Variants in TOX observed in about 807,000 individuals in gnomAD.
TOX encodes thymocyte selection associated high mobility group box.
TOX carries 11 observed loss-of-function variants against 53.7 expected under a neutral mutation model. That is an observed-to-expected ratio of 0.20 (90% CI 0.13 to 0.34). The LOEUF (loss-of-function observed/expected upper bound fraction) is 0.34. Ranked by LOEUF, TOX falls within the 10% of genes least tolerant of loss-of-function variation. The probability of loss-of-function intolerance (pLI) is 1.00; values close to 1 mark genes in which losing one functional copy is unlikely to be tolerated. For synonymous variants in TOX, 225 were observed against 245.3 expected (o/e 0.92, Z 0.77); for missense variants, 570 against 664.6 (o/e 0.86, Z 1.56).
intron 1 of TOX, among the ~76,000 whole-genome samples, chr8:59,045,356 T>C (rs1803663931): frequency 6.6e-6 from 1 of 152,202 alleles, no homozygotes; most frequent in Non-Finnish European, 1.5e-5. Flanking sequence ...ATGGTGGTAA[T>C]AAAAGATTTT....
At chr8:59,092,061 C>T (rs1007911210) in intron 1 of TOX, among the ~76,000 whole-genome samples, 12 of 151,258 alleles carry the variant, frequency 7.9e-5, no homozygotes, top group Admixed American at 7.9e-4. Flanking sequence ...ACCAGCCTGA[C>T]CAACATGGTG....
chr8:58,817,636 G>A lies in TOX; in HGVS notation c.1006-1912C>T, dbSNP rs529441994. 1.1e-4 allele frequency among the ~76,000 whole-genome samples: 17 copies of A among 152,162 alleles called. No homozygotes were observed. In the South Asian group the frequency reaches 1.7e-3, roughly 15 times the overall value. On this transcript the variant is annotated intron_variant, in intron 6 of 8. Coordinates refer to ENST00000361421, the MANE Select transcript of TOX (RefSeq NM_014729.3). ...GTTTAAGTAATCTGGAAAAGTGTTCGGTATGTTTGAATTCCCTCTTTTTAG... is the reference window on the plus strand; with the variant it reads ...GTTTAAGTAATCTGGAAAAGTGTTCAGTATGTTTGAATTCCCTCTTTTTAG...
At chr8:58,929,704 T>G (rs893065227) in intron 3 of TOX, among the ~76,000 whole-genome samples, 5 of 152,080 alleles carry the variant, frequency 3.3e-5, no homozygotes, top group Non-Finnish European at 7.4e-5. Flanking sequence ...TCTACTTGCA[T>G]AAATCAAGCA....
chr8:59,096,190 G>A (rs1804709393), intron 1 of TOX, among the ~76,000 whole-genome samples: 1 of 152,194 alleles, frequency 6.6e-6, no homozygotes, highest in South Asian at 2.1e-4. Flanking sequence ...ATCACCTGAT[G>A]AAACAGACTA....
chr8:59,092,264 T>TTTATATATATATATATATTATATATACA (rs1804622067), intron 1 of TOX, among the ~76,000 whole-genome samples: 1 of 51,888 alleles, frequency 1.9e-5, no homozygotes, highest in Non-Finnish European at 3.0e-5. Flanking sequence ...ATATATATAT[T>TTTATATATATATATATATTATATATACA]TTATATATAT....
At chr8:58,898,060 C>G (rs777578551) in intron 3 of TOX, among the ~76,000 whole-genome samples, 1 of 152,084 alleles carries the variant, frequency 6.6e-6, no homozygotes, top group Non-Finnish European at 1.5e-5. Flanking sequence ...TTTCAGGAAC[C>G]TTTCTCCATT....
At chr8:58,946,362 A>G (rs894668674) in intron 2 of TOX, among the ~76,000 whole-genome samples, 1 of 152,184 alleles carries the variant, frequency 6.6e-6, no homozygotes, top group African/African-American at 2.4e-5. Context: ...AATTGTGTCA[A>G]TATAATCTCT....
intron 1 of TOX, among the ~76,000 whole-genome samples, chr8:59,056,213 C>G (rs554607000): frequency 4.0e-5 from 6 of 151,760 alleles, no homozygotes; most frequent in South Asian, 4.2e-4. Context: ...ATTGCTTGAG[C>G]CTAGGAGTTC....
At chr8:58,814,838 T>C (rs779926607) in intron 7 of TOX, among the ~76,000 whole-genome samples, 2 of 152,206 alleles carry the variant, frequency 1.3e-5, no homozygotes, top group African/African-American at 2.4e-5. Context: ...GTTCAGTTCT[T>C]AGGACTTTCA....
chr8:59,012,658 A>G (rs1813928265), intron 1 of TOX, among the ~76,000 whole-genome samples: 2 of 152,246 alleles, frequency 1.3e-5, no homozygotes. Context: ...ATAAGTTCAC[A>G]TTAATCCTCA....
intron 3 of TOX, among the ~76,000 whole-genome samples, chr8:58,872,525 T>C (rs1451293027): frequency 6.6e-6 from 1 of 152,100 alleles, no homozygotes; most frequent in Non-Finnish European, 1.5e-5. Flanking sequence ...AAGCAGGTGA[T>C]CAAGGTCAAC....
chr8:58,969,712 C>G (rs1177669483), intron 1 of TOX, among the ~76,000 whole-genome samples: 1 of 152,174 alleles, frequency 6.6e-6, no homozygotes, highest in Non-Finnish European at 1.5e-5. Context: ...ACACCGAGAT[C>G]ATTCTCCACT....
chr8:59,103,477 A>G (rs1804843402), intron 1 of TOX, among the ~76,000 whole-genome samples: 1 of 152,238 alleles, frequency 6.6e-6, no homozygotes, highest in African/African-American at 2.4e-5. Context: ...TAAGTGCTTC[A>G]AAGTATCATA....
chr8:58,867,542 G>C (rs1159867583), intron 3 of TOX, among the ~76,000 whole-genome samples: 1 of 152,208 alleles, frequency 6.6e-6, no homozygotes, highest in African/African-American at 2.4e-5. Flanking sequence ...CCTAACCCAA[G>C]CATCTTTTTC....
chr8:59,016,396 A>C (rs1814010144), intron 1 of TOX, among the ~76,000 whole-genome samples: 2 of 152,238 alleles, frequency 1.3e-5, no homozygotes, highest in South Asian at 4.1e-4. Flanking sequence ...TAAAATTGTG[A>C]CTCATTAATC....
intron 1 of TOX, among the ~76,000 whole-genome samples, chr8:59,009,883 A>C (rs999681582): frequency 3.3e-5 from 5 of 152,248 alleles, no homozygotes; most frequent in African/African-American, 1.2e-4. Context: ...GAGATGTGAA[A>C]CTAACAAGAG....
At chr8:59,066,485 G>T (rs117615267) in intron 1 of TOX, among the ~76,000 whole-genome samples, 1 of 152,030 alleles carries the variant, frequency 6.6e-6, no homozygotes, top group South Asian at 2.1e-4. Flanking sequence ...ATAACAGATA[G>T]AAGTCAAATC....
At chr8:58,824,115 C>T (rs1390947312) in intron 6 of TOX, among the ~76,000 whole-genome samples, 2 of 152,070 alleles carry the variant, frequency 1.3e-5, no homozygotes, top group African/African-American at 4.8e-5. Flanking sequence ...CGGGAGAGCA[C>T]ATTGAGAGGA....
At chr8:58,920,414 G>A (rs2129174627) in intron 3 of TOX, among the ~76,000 whole-genome samples, 1 of 58,450 alleles carries the variant, frequency 1.7e-5, no homozygotes, top group Non-Finnish European at 3.2e-5. Flanking sequence ...GTAGGGACAT[G>A]TATGAAATTG....
Sources: allele counts gnomAD v4.1 joint callset (sites outside exome capture counted in the v4.1 genomes callset), GRCh38; gene constraint gnomAD v4.1.1; transcripts MANE v1.5; gene names NCBI Gene and HGNC (gene_info 2026-07-23, HGNC 2026-07-21).